The following ALS2 variants were observed in gnomAD, a reference collection of about 807,000 sequenced individuals.
ALS2 encodes alsin.
A neutral mutation model predicts 203.4 loss-of-function variants in ALS2; 117 were observed. That is an observed-to-expected ratio of 0.58 (90% CI 0.50 to 0.67). The LOEUF (loss-of-function observed/expected upper bound fraction) is 0.67, where lower values mean the gene tolerates loss of function less well. Ranked by LOEUF, ALS2 falls within the 30% of genes least tolerant of loss-of-function variation. The pLI, the probability that ALS2 is intolerant of heterozygous loss-of-function variation, is 0.00. For synonymous variants in ALS2, 718 were observed against 725.9 expected (o/e 0.99, Z 0.17); for missense variants, 1,715 against 1,989.4 (o/e 0.86, Z 2.62).
At chr2:201,711,258 CCTG>C (rs1338221175) in intron 25 of ALS2, 150 bp from the exon 26 acceptor site, 19 of 622,968 alleles carry the variant, frequency 3.0e-5, no homozygotes, top group African/African-American at 2.4e-4. Flanking sequence ...TCATCACGAT[CCTG>C]CTATTAGGTA....
chr2:201,772,045 C>T (rs989555832), intron 1 of ALS2, among the ~76,000 whole-genome samples: 7 of 152,224 alleles, frequency 4.6e-5, no homozygotes, highest in Admixed American at 2.6e-4. Context: ...CAGCTAGATT[C>T]ACTTTAAAGC....
chr2:201,702,492 A>G (rs1689454361), intron 33 of ALS2, among the ~76,000 whole-genome samples: 1 of 152,178 alleles, frequency 6.6e-6, no homozygotes, highest in African/African-American at 2.4e-5. Flanking sequence ...GTTGATATCT[A>G]TGTTAGTAAC....
intron 1 of ALS2, among the ~76,000 whole-genome samples, chr2:201,772,196 CTTCT>C (rs1434234923): frequency 6.6e-6 from 1 of 152,158 alleles, no homozygotes; most frequent in African/African-American, 2.4e-5. Context: ...GATACACATC[CTTCT>C]GTTACATCTA....
chr2:201,759,972 TA>T (rs2106085469), intron 4 of ALS2: 1 of 983,866 alleles, frequency 1.0e-6, no homozygotes, highest in African/African-American at 1.7e-5. Context: ...GTGCTACTGA[TA>T]AACAACTTTT....
At chr2:201,724,203 G>A in intron 21 of ALS2, 92 bp downstream of exon 21, 1 of 1,391,342 alleles carries the variant, frequency 7.2e-7, no homozygotes, top group Non-Finnish European at 1.0e-6. Flanking sequence ...TAATCTCCAT[G>A]AAAAAGACAA....
chr2:201,716,259 A>C (rs1432975369), intron 24 of ALS2, among the ~76,000 whole-genome samples: 2 of 151,714 alleles, frequency 1.3e-5, no homozygotes, highest in African/African-American at 4.8e-5. Flanking sequence ...AACACAAAAA[A>C]TTGGCTGGGC....
intron 10 of ALS2, 48 bp from the exon 11 acceptor site, chr2:201,741,902 C>T: frequency 6.8e-7 from 1 of 1,470,952 alleles, no homozygotes; most frequent in Non-Finnish European, 9.4e-7. Context: ...GAAAACCGAT[C>T]ACTTTATTAT....
At chr2:201,749,156 G>C (rs1313370501) in intron 8 of ALS2, among the ~76,000 whole-genome samples, 6 of 151,530 alleles carry the variant, frequency 4.0e-5, no homozygotes, top group Non-Finnish European at 8.8e-5. Context: ...CTTCATCAAA[G>C]AGACTAGAAG....
chr2:201,734,003 AT>A (rs1379099734), intron 12 of ALS2, among the ~76,000 whole-genome samples: 1 of 152,216 alleles, frequency 6.6e-6, no homozygotes, highest in African/African-American at 2.4e-5. Context: ...AATAAAGATG[AT>A]TATATGTGAA....
chr2:201,731,189 G>T (rs1170714793), intron 13 of ALS2, among the ~76,000 whole-genome samples: 4 of 151,890 alleles, frequency 2.6e-5, no homozygotes, highest in African/African-American at 7.3e-5. Flanking sequence ...ATTCATTTAA[G>T]AAACATTTAA....
At chr2:201,726,027 A>G (rs1295294665) in intron 19 of ALS2, among the ~76,000 whole-genome samples, 1 of 152,252 alleles carries the variant, frequency 6.6e-6, no homozygotes, top group Non-Finnish European at 1.5e-5. Context: ...CTTATTTTTA[A>G]AAAGTCATTA....
intron 25 of ALS2, 55 bp downstream of exon 25, chr2:201,715,617 T>C (rs546851604): frequency 8.8e-5 from 141 of 1,601,242 alleles, no homozygotes; most frequent in Non-Finnish European, 1.2e-4. Context: ...CTTACTGGTC[T>C]TAAGTTTCAT....
At chr2:201,760,313 A>C (rs1430995376) in intron 4 of ALS2, 1 of 980,468 alleles carries the variant, frequency 1.0e-6, no homozygotes, top group Non-Finnish European at 1.2e-6. Flanking sequence ...CCCATCTCAA[A>C]AACAAACAAA....
chr2:201,757,260 T>C, intron 5 of ALS2, 142 bp downstream of exon 5: 1 of 757,768 alleles, frequency 1.3e-6, no homozygotes, highest in Admixed American at 2.4e-5. Flanking sequence ...AACTTTCTTT[T>C]AAAACCACCA....
chr2:201,741,867 AATG>A lies in ALS2; in HGVS notation c.2171-16_2171-14del, dbSNP rs779494576. The A allele has an allele frequency of 1.0e-4, 165 of 1,602,386 alleles. 1 individual carries two copies. The African/African-American group carries it at 1.4e-3, about 14-fold the overall frequency. On this transcript the variant is annotated splice_polypyrimidine_tract_variant and intron_variant, in intron 10 of 33. Transcript: ENST00000264276. ...GTGCCCAAATTTTCTATAACAAAAT[AATG>A]ATGATGATGACAACACAAACTGAAA...
At chr2:201,736,775 G>A (rs1403610835) in intron 12 of ALS2, among the ~76,000 whole-genome samples, 1 of 152,146 alleles carries the variant, frequency 6.6e-6, no homozygotes, top group East Asian at 1.9e-4. Flanking sequence ...TTATTCTGGT[G>A]TAATCATTTT....
chr2:201,717,946 AAAAAT>A (rs1452390776), intron 24 of ALS2, 126 bp downstream of exon 24: 3 of 961,160 alleles, frequency 3.1e-6, no homozygotes, highest in East Asian at 2.8e-5. Flanking sequence ...CTCAAAAAAT[AAAAAT>A]AAAATAAAAT....
intron 4 of ALS2, chr2:201,759,847 G>A (rs1693651436): frequency 1.0e-6 from 1 of 985,064 alleles, no homozygotes; most frequent in Admixed American, 6.2e-5. Context: ...ATGATCTTTT[G>A]TTTTGTTTTC....
At chr2:201,704,716 CT>C in intron 31 of ALS2, 113 bp from the exon 32 acceptor site, 1 of 1,221,752 alleles carries the variant, frequency 8.2e-7, no homozygotes, top group Non-Finnish European at 1.2e-6. Context: ...AACCCGGACA[CT>C]TAGGCATTAT....
Sources: allele counts gnomAD v4.1 joint callset (sites outside exome capture counted in the v4.1 genomes callset), GRCh38; gene constraint gnomAD v4.1.1; transcripts MANE v1.5; gene names NCBI Gene and HGNC (gene_info 2026-07-23, HGNC 2026-07-21).